Variants in JAG1 observed in about 807,000 individuals in gnomAD.
The protein encoded by JAG1 is protein jagged-1.
In JAG1, 23 loss-of-function variants were observed where a neutral mutation model predicts 148.7. The observed-to-expected ratio is 0.15, with a 90% CI of 0.11 to 0.22. JAG1 has a LOEUF of 0.22. JAG1 is among the 10% of genes least tolerant of loss of function. The pLI, the probability that JAG1 is intolerant of heterozygous loss-of-function variation, is 1.00. For missense variants in JAG1, 1,054 were observed against 1,611.2 expected (o/e 0.65, Z 5.92); for synonymous variants, 572 against 598.3 (o/e 0.96, Z 0.64).
intron 11 of JAG1, 159 bp from the exon 12 acceptor site, chr20:10,648,881 C>T (rs1341073876): frequency 1.1e-6 from 1 of 892,322 alleles, no homozygotes; most frequent in Non-Finnish European, 1.8e-6. Flanking sequence ...TTTCTATGTG[C>T]ATGCCTTCAA....
rs894436556 is a variant in JAG1 at position 10,656,869 on chromosome 20, C to CT, written c.695-412dup. Among the ~76,000 whole-genome samples the CT allele has an allele frequency of 1.1e-4, 13 of 114,174 alleles. No individual in the cohort carries two copies. The South Asian group carries it at 1.8e-3, about 16-fold the overall frequency. The allele number at this position is 114,174 out of a possible 152,430, so 74.9% of individuals were successfully genotyped here. On this transcript the variant is annotated intron_variant, in intron 4 of 25. Coordinates refer to ENST00000254958, the MANE Select transcript of JAG1 (RefSeq NM_000214.3). ...AGGACACATTCAGATGAGCCTCAGC[C>CT]TTTAAAAAAAAAAAAAAAAAAAAAA... is the stretch of plus-strand genomic sequence containing the variant.
chr20:10,649,443 A>G, intron 10 of JAG1, 79 bp downstream of exon 10: 1 of 874,820 alleles, frequency 1.1e-6, no homozygotes, highest in Non-Finnish European at 1.9e-6. Flanking sequence ...CTCAAGTCCT[A>G]GGACTGGAGC....
intron 7 of JAG1, 100 bp from the exon 8 acceptor site, chr20:10,651,794 G>A: frequency 2.5e-6 from 2 of 785,836 alleles, no homozygotes; most frequent in East Asian, 5.3e-5. Context: ...ACTAGTGCAA[G>A]CATATTTCAA....
At chr20:10,654,408 CAGA>C (rs1176047089) in intron 5 of JAG1, among the ~76,000 whole-genome samples, 1 of 152,156 alleles carries the variant, frequency 6.6e-6, no homozygotes, top group East Asian at 1.9e-4. Flanking sequence ...TGACTTTCCT[CAGA>C]TGATGATTCA....
chr20:10,662,795 G>A lies in JAG1; in HGVS notation c.439+1168C>T, dbSNP rs567412548. Reference sequence around the variant, plus strand: ...GGTAGCCCTCTGGGGAGGAAGACTCGAACCTTGGACTTTCATGAGCTCCCC... The same window carrying A: ...GGTAGCCCTCTGGGGAGGAAGACTCAAACCTTGGACTTTCATGAGCTCCCC... On this transcript the variant is annotated intron_variant, in intron 3 of 25. Coordinates refer to ENST00000254958, the MANE Select transcript of JAG1 (RefSeq NM_000214.3). Among the ~76,000 whole-genome samples, 90 of 151,962 alleles carry A rather than the reference G, an allele frequency of 5.9e-4. 2 individuals are homozygous for A. The highest frequency in any genetic ancestry group is 3.3e-4 in the Admixed American group (5 of 15,254).
In JAG1 at chr20:10,647,995, T is replaced by C. The variant is rs773483765; in HGVS notation, c.1685A>G (p.His562Arg). 5 of 1,614,182 alleles carry C rather than the reference T, an allele frequency of 3.1e-6. No individual in the cohort carries two copies. Among genetic ancestry groups the C allele is most frequent in the Non-Finnish European group, 4.2e-6 (5 of 1,180,042 alleles). The part of the protein sequence containing the change: ...PEDYEGKNCS[H>R]LKDHCRTTPC... The stretch of plus-strand genomic sequence containing the variant: ...GGTCGTGCGGCAGTGGTCTTTCAGG[T>C]GTGAGCAGTTCTTGCCCTCATAGTC... The change falls in exon 13 of 26, where the codon CAC becomes CGC. Residue 562 changes from histidine (H) to arginine (R), a missense_variant. By Grantham distance (29) the His-to-Arg change is conservative. Coordinates refer to ENST00000254958, the MANE Select transcript of JAG1 (RefSeq NM_000214.3).
intron 3 of JAG1, among the ~76,000 whole-genome samples, chr20:10,659,275 A>G (rs3790159): frequency 0.54 from 82,741 of 152,186 alleles, 22,653 homozygotes; most frequent in East Asian, 0.71. Flanking sequence ...AAGTGATGGC[A>G]AGAGCCCTTT....
chr20:10,667,285 C>A (rs1373741909), intron 2 of JAG1, among the ~76,000 whole-genome samples: 1 of 152,238 alleles, frequency 6.6e-6, no homozygotes, highest in East Asian at 1.9e-4. Context: ...GGCCATTGTG[C>A]ACAGTCAGTC....
At chr20:10,666,604 C>T (rs1204596508) in intron 2 of JAG1, among the ~76,000 whole-genome samples, 6 of 152,194 alleles carry the variant, frequency 3.9e-5, no homozygotes, top group African/African-American at 1.4e-4. Flanking sequence ...GAAGAGTCAC[C>T]TGGCTTTCAT....
Position 10,648,571 on chromosome 20 carries a change from C to T in JAG1, c.1547G>A (p.Gly516Asp), listed in dbSNP as rs781393673. Reference protein sequence around the residue: ...INRFQCLCPTGFSGNLCQLDI... With the variant: ...INRFQCLCPTDFSGNLCQLDI... ...CACCTGACAGAGGTTTCCAGAGAAA[C>T]CAGTGGGACACAGACACTGGAATCT... is the stretch of plus-strand genomic sequence containing the variant. Residue 516 changes from glycine (G) to aspartate (D), a missense_variant, in exon 12 of 26, where the codon GGT (glycine) becomes GAT (aspartate). Gly to Asp is a moderately conservative substitution (Grantham distance 94, BLOSUM62 -1). Transcript: ENST00000254958. The T allele has an allele frequency of 1.2e-6, 2 of 1,613,796 alleles. No homozygotes were observed. The highest frequency in any genetic ancestry group is 3.3e-5 in the Admixed American group (2 of 60,018).
intron 2 of JAG1, among the ~76,000 whole-genome samples, chr20:10,668,089 C>A (rs1295530181): frequency 4.3e-5 from 3 of 70,034 alleles, no homozygotes; most frequent in African/African-American, 1.9e-4. Flanking sequence ...GTCACTGGCA[C>A]CATAAAAAAA....
At chr20:10,646,134 T>G in intron 14 of JAG1, 50 bp from the exon 15 acceptor site, 1 of 1,366,664 alleles carries the variant, frequency 7.3e-7, no homozygotes, top group Non-Finnish European at 1.0e-6. Context: ...TGTGAAGCCA[T>G]AGACAAGCAC....
chr20:10,646,335 C>T (rs1183367441), intron 14 of JAG1: 2 of 499,470 alleles, frequency 4.0e-6, no homozygotes, highest in Non-Finnish European at 7.3e-6. Context: ...GGGGAAGAAA[C>T]TCCTACAGAA....
At chr20:10,648,132 A>C (rs1043185716) in intron 12 of JAG1, 22 bp from the exon 13 acceptor site, 1 of 1,614,096 alleles carries the variant, frequency 6.2e-7, no homozygotes, top group African/African-American at 1.3e-5. Flanking sequence ...AGGAACAGCG[A>C]AAAGGGGGAG....
chr20:10,643,748 T>A (rs2273059), intron 20 of JAG1, 30 bp downstream of exon 20: 1 of 1,584,978 alleles, frequency 6.3e-7, no homozygotes, highest in Admixed American at 1.7e-5. Flanking sequence ...GGTAAAGCCA[T>A]TGGGAAAACC....
At chr20:10,659,108 C>A (rs780586511) in intron 3 of JAG1, among the ~76,000 whole-genome samples, 8 of 152,206 alleles carry the variant, frequency 5.3e-5, no homozygotes, top group Non-Finnish European at 1.0e-4. Flanking sequence ...CCGTGCACAA[C>A]AAATCAACCT....
At position 10,651,568 on chromosome 20, in the gene JAG1, A is replaced by G; in HGVS notation, c.1120+13T>C. ...GATCCTTAGAATGGACACAGGCTGA[A>G]AATTGGACTTACTTGTAGAGCATGT... On this transcript the variant is annotated intron_variant, in intron 8 of 25. Coordinates refer to ENST00000254958, the MANE Select transcript of JAG1 (RefSeq NM_000214.3). 1 of 1,573,504 alleles carries G rather than the reference A, an allele frequency of 6.4e-7. No individual in the cohort carries two copies.
Position 10,672,733 on chromosome 20 carries a change from G to T in JAG1, c.355C>A (p.Arg119Ser). 1 of 1,613,032 alleles carries T rather than the reference G, an allele frequency of 6.2e-7. No individual in the cohort carries two copies. Among genetic ancestry groups the T allele is most frequent in the Non-Finnish European group, 8.5e-7 (1 of 1,180,020 alleles). The stretch of plus-strand genomic sequence containing the variant: ...GCGAAACTGAAAGGCAGCACGATGC[G>T]GTTGCGGTCGTTGCCGCGGCTGGCC... ...LKASRGNDRN[R>S]IVLPFSFAWP... The change falls in exon 2 of 26, where the codon CGC becomes AGC. Residue 119 changes from arginine to serine, a missense_variant. Physicochemically the swap from Arg to Ser is moderately radical, Grantham distance 110. This residue lies in a region of JAG1 where 151 missense variants were observed against 211.1 expected (regional missense o/e 0.72). Coordinates refer to ENST00000254958, the MANE Select transcript of JAG1 (RefSeq NM_000214.3).
chr20:10,649,740 T>G, intron 9 of JAG1, 105 bp from the exon 10 acceptor site: 1 of 725,834 alleles, frequency 1.4e-6, no homozygotes. Flanking sequence ...CATGAGACAT[T>G]TTAATAAGCT....
Sources: gnomAD v4.1 joint callset for allele counts (sites outside exome capture counted in the v4.1 genomes callset) on GRCh38, gnomAD v4.1.1 for gene constraint, gnomAD v4.1.1 regional missense constraint, MANE v1.5 for transcripts, NCBI Gene and HGNC (gene_info 2026-07-23, HGNC 2026-07-21) for gene names.